The following PARG variants were observed in gnomAD, a reference collection of about 807,000 sequenced individuals.
The protein encoded by PARG is mitochondrial poly(ADP-ribose) glycohydrolase.
Under a neutral mutation model 113.0 loss-of-function variants are expected in PARG, and 35 were observed. The observed-to-expected ratio is 0.31, with a 90% confidence interval of 0.24 to 0.41. PARG has a LOEUF of 0.41. Among genes scored for constraint, PARG ranks in the 10% least tolerant of loss-of-function variants. The probability of loss-of-function intolerance (pLI) is 1.00; values close to 1 mark genes in which losing one functional copy is unlikely to be tolerated. For missense variants in PARG, 797 were observed against 1,169.4 expected (o/e 0.68, Z 4.64); for synonymous variants, 330 against 409.9 (o/e 0.81, Z 2.36).
In PARG at chr10:49,933,984, C is replaced by A. The variant is rs1838620464; in HGVS notation, c.464G>T (p.Cys155Phe). ...GTGTTTCCCTTCATTTTGCCACTTA[C>A]ACATTGCTGCAGTCTGATGCTGGTT... is the stretch of plus-strand genomic sequence containing the variant. ...YLNQHQTAAM[C>F]KWQNEGKHTE... The change falls in exon 3 of 18, where the codon TGT becomes TTT. Residue 155 changes from cysteine (C) to phenylalanine (F), a missense_variant. This residue lies in a region of PARG where 284 missense variants were observed against 306.1 expected (regional missense o/e 0.93). Transcript: ENST00000616448. The A allele has an allele frequency of 3.1e-6, 5 of 1,604,926 alleles. No individual in the cohort carries two copies. In the African/African-American group the frequency reaches 4.0e-5, roughly 13 times the overall value.
chr10:49,929,928 T>G (rs1554909556), intron 4 of PARG, among the ~76,000 whole-genome samples: 2 of 150,356 alleles, frequency 1.3e-5, no homozygotes, highest in African/African-American at 4.9e-5. Flanking sequence ...AATTTGAAAG[T>G]AGGAGTTAGG....
chr10:49,857,482 A>C, intron 12 of PARG, 29 bp from the exon 13 acceptor site: 1 of 1,589,674 alleles, frequency 6.3e-7, no homozygotes, highest in Non-Finnish European at 8.6e-7. Flanking sequence ...ATATTAAATA[A>C]TGGTCAAAAA....
At chr10:49,928,257 C>A (rs1838314020) in intron 4 of PARG, among the ~76,000 whole-genome samples, 1 of 150,450 alleles carries the variant, frequency 6.6e-6, no homozygotes, top group Non-Finnish European at 1.5e-5. Flanking sequence ...GGTGACAGAG[C>A]AAGACTCCAT....
intron 9 of PARG, 64 bp from the exon 10 acceptor site, chr10:49,869,619 T>C (rs2132582095): frequency 1.5e-6 from 1 of 683,910 alleles, no homozygotes; most frequent in Admixed American, 2.3e-5. Flanking sequence ...TTCACAAAAC[T>C]ACATCCATAT....
chr10:49,919,202 A>G (rs1460913485), intron 6 of PARG, among the ~76,000 whole-genome samples: 1 of 152,150 alleles, frequency 6.6e-6, no homozygotes, highest in Non-Finnish European at 1.5e-5. Context: ...CGGCCTCCCA[A>G]AGTGCTGGGG....
At chr10:49,899,337 G>A (rs1848246390) in intron 7 of PARG, among the ~76,000 whole-genome samples, 1 of 152,174 alleles carries the variant, frequency 6.6e-6, no homozygotes, top group Admixed American at 6.5e-5. Flanking sequence ...ATCAACTGGA[G>A]AAGGTGAAAA....
chr10:49,847,429 A>G (rs1381966780), intron 13 of PARG, among the ~76,000 whole-genome samples: 5 of 151,896 alleles, frequency 3.3e-5, no homozygotes, highest in Non-Finnish European at 7.4e-5. Context: ...CAAAAGATAT[A>G]CTAAATAGAA....
At chr10:49,893,434 T>C (rs1182481183) in intron 7 of PARG, among the ~76,000 whole-genome samples, 1 of 152,206 alleles carries the variant, frequency 6.6e-6, no homozygotes, top group Non-Finnish European at 1.5e-5. Context: ...ATTTTTCAAT[T>C]GTAGTTCTTT....
chr10:49,861,385 CAG>C (rs1157815122), intron 12 of PARG, among the ~76,000 whole-genome samples: 2 of 146,642 alleles, frequency 1.4e-5, no homozygotes, highest in African/African-American at 2.5e-5. Flanking sequence ...ATATAAGAAA[CAG>C]AGAGTATACA....
chr10:49,902,336 C>T (rs1828294875), intron 7 of PARG, among the ~76,000 whole-genome samples: 1 of 151,982 alleles, frequency 6.6e-6, no homozygotes, highest in East Asian at 1.9e-4. Context: ...GTTTTATAGC[C>T]CATATAAAAA....
At chr10:49,931,968 G>A (rs1460871653) in intron 4 of PARG, 132 bp downstream of exon 4, 2 of 642,722 alleles carry the variant, frequency 3.1e-6, no homozygotes, top group African/African-American at 1.8e-5. Context: ...CCATTCTGTA[G>A]AATTCTCAGT....
intron 9 of PARG, among the ~76,000 whole-genome samples, chr10:49,876,850 A>G (rs868981386): frequency 3.0e-4 from 46 of 151,550 alleles, no homozygotes; most frequent in African/African-American, 9.7e-4. Flanking sequence ...GTATCTAAAA[A>G]CAAACTTACC....
chr10:49,922,092 A>C (rs1837905988), intron 6 of PARG, among the ~76,000 whole-genome samples: 1 of 152,222 alleles, frequency 6.6e-6, no homozygotes, highest in Admixed American at 6.5e-5. Flanking sequence ...TGGATGGGGA[A>C]TCAAGAAACA....
In PARG at chr10:49,918,059, C is replaced by T. The variant is rs1211085743; in HGVS notation, c.1663-2068G>A. 3.9e-5 allele frequency among the ~76,000 whole-genome samples: 6 copies of T among 152,148 alleles called. No individual in the cohort carries two copies. In the South Asian group the frequency reaches 1.0e-3, roughly 26 times the overall value. The stretch of plus-strand genomic sequence containing the variant: ...CAGACATACCCACTATGATTCAATT[C>T]ATGCAGAATGTAAACTATAGTGAAA... On this transcript the variant is annotated intron_variant, in intron 6 of 17. Transcript: ENST00000616448.
chr10:49,910,539 A>G (rs1837118416), intron 7 of PARG, among the ~76,000 whole-genome samples: 1 of 151,996 alleles, frequency 6.6e-6, no homozygotes, highest in Admixed American at 6.6e-5. Flanking sequence ...AAACCACTTC[A>G]TTTTGTTATT....
intron 13 of PARG, among the ~76,000 whole-genome samples, chr10:49,846,698 T>C (rs1588892080): frequency 6.6e-6 from 1 of 152,152 alleles, no homozygotes; most frequent in South Asian, 2.1e-4. Context: ...ATATAGGCTG[T>C]GAAGCTGGTT....
chr10:49,931,192 T>G (rs1478091256), intron 4 of PARG, among the ~76,000 whole-genome samples: 1 of 152,154 alleles, frequency 6.6e-6, no homozygotes, highest in African/African-American at 2.4e-5. Flanking sequence ...TTTGTTATAA[T>G]GTTATAATGT....
At chr10:49,886,608 A>G (rs1847499717) in intron 7 of PARG, among the ~76,000 whole-genome samples, 1 of 152,230 alleles carries the variant, frequency 6.6e-6, no homozygotes, top group Non-Finnish European at 1.5e-5. Flanking sequence ...AGAAAACAAA[A>G]AGTTGCTTAA....
intron 16 of PARG, among the ~76,000 whole-genome samples, chr10:49,828,637 ACTGT>A (rs1381860533): frequency 6.6e-6 from 1 of 152,142 alleles, no homozygotes; most frequent in Non-Finnish European, 1.5e-5. Flanking sequence ...TTGTTAGTAA[ACTGT>A]CTATTGAATG....
Sources: allele counts gnomAD v4.1 joint callset (sites outside exome capture counted in the v4.1 genomes callset), GRCh38; gene constraint gnomAD v4.1.1; regional missense constraint gnomAD v4.1.1; transcripts MANE v1.5; gene names NCBI Gene and HGNC (gene_info 2026-07-23, HGNC 2026-07-21).